The following LANCL3 variants were observed in gnomAD, a reference collection of about 807,000 sequenced individuals.
LANCL3 encodes LanC like family member 3, also known as lanC-like protein 3.
A neutral mutation model predicts 26.5 loss-of-function variants in LANCL3; 19 were observed. The observed-to-expected ratio is 0.72, with a 90% confidence interval of 0.50 to 1.05. The LOEUF is 1.05. Among genes scored for constraint, LANCL3 ranks in the 50% least tolerant of loss-of-function variants. LANCL3 has a pLI of 0.00. For synonymous variants in LANCL3, 160 were observed against 166.6 expected (o/e 0.96, Z 0.30); for missense variants, 318 against 362.7 (o/e 0.88, Z 1.00).
intron 1 of LANCL3, among the ~76,000 whole-genome samples, chrX:37,622,460 GA>G (rs1464130733): frequency 1.5e-4 from 16 of 107,723 alleles, no homozygotes; most frequent in African/African-American, 4.4e-4. Context: ...ATCCTACACT[GA>G]AAAAAAAATT....
intron 1 of LANCL3, among the ~76,000 whole-genome samples, chrX:37,631,087 C>G (rs1459048101): frequency 9.0e-6 from 1 of 111,558 alleles, no homozygotes; most frequent in African/African-American, 3.3e-5. Flanking sequence ...GTCCTGGACT[C>G]TTTTTCGTTG....
chrX:37,636,238 A>G (rs1925702693), intron 1 of LANCL3, among the ~76,000 whole-genome samples: 2 of 111,494 alleles, frequency 1.8e-5, no homozygotes, highest in South Asian at 7.5e-4. Context: ...GTTTGATTCC[A>G]TGTGTTTGCT....
rs5963720 is a variant in LANCL3, at chrX:37,572,383, C to T, written c.513C>T (p.Phe171=). The change falls in exon 1 of 5, where the codon TTC becomes TTT. Residue 171 remains phenylalanine, a synonymous_variant. Transcript: ENST00000378619. The part of the protein sequence containing the change: ...SFLECGSDEL[F]VGRAGYLCAA... The stretch of plus-strand genomic sequence containing the variant: ...TGGAGTGCGGCTCCGACGAGCTGTT[C>T]GTGGGCCGCGCGGGTTACCTGTGTG... 2.5e-3 allele frequency: 2,933 copies of T among 1,170,250 alleles called. 8 individuals carry two copies. The highest frequency in any genetic ancestry group is 2.7e-3 in the Non-Finnish European group (2,402 of 873,779).
chrX:37,629,907 G>A (rs782071894), intron 1 of LANCL3, among the ~76,000 whole-genome samples: 1,413 of 110,863 alleles, frequency 0.013, 24 homozygotes, highest in African/African-American at 0.043. Context: ...TGTTCTTTTG[G>A]CTTAGGATTG....
chrX:37,674,821 G>A (rs1203184704), intron 4 of LANCL3, among the ~76,000 whole-genome samples: 3 of 111,000 alleles, frequency 2.7e-5, no homozygotes, highest in Non-Finnish European at 3.8e-5. Context: ...CAGTATCAGC[G>A]CTTGGGCCTT....
intron 1 of LANCL3, among the ~76,000 whole-genome samples, chrX:37,645,136 T>C (rs1202515193): frequency 2.7e-5 from 3 of 112,625 alleles, no homozygotes; most frequent in African/African-American, 9.7e-5. Context: ...TGATAAATCT[T>C]TAAAGCCAGC....
In LANCL3 at chrX:37,626,106, A is replaced by G. The variant is rs139978590; in HGVS notation, c.574-29582A>G. 7.0e-3 allele frequency among the ~76,000 whole-genome samples: 789 copies of G among 112,402 alleles called. 8 individuals are homozygous for G. The highest frequency in any genetic ancestry group is 0.025 in the African/African-American group (761 of 30,986). On this transcript the variant is annotated intron_variant, in intron 1 of 4. Transcript: ENST00000378619. ...AAAGATGTGGATATATAATCCTATT[A>G]CAATAGAATGAAGACTGAACAATAT...
intron 1 of LANCL3, among the ~76,000 whole-genome samples, chrX:37,589,699 G>A (rs1924217001): frequency 8.9e-6 from 1 of 111,782 alleles, no homozygotes; most frequent in Admixed American, 9.4e-5. Flanking sequence ...GTGTGCTTTA[G>A]CGTAGGGTGC....
chrX:37,585,046 G>A (rs1461635991), intron 1 of LANCL3, among the ~76,000 whole-genome samples: 1 of 111,720 alleles, frequency 9.0e-6, no homozygotes, highest in African/African-American at 3.3e-5. Context: ...CCCTCATTTC[G>A]TTATGTACCC....
chrX:37,579,103 A>G (rs1456463798), intron 1 of LANCL3, among the ~76,000 whole-genome samples: 3 of 110,557 alleles, frequency 2.7e-5, no homozygotes, highest in African/African-American at 6.6e-5. Flanking sequence ...TATTATACAT[A>G]TATTACACAG....
At chrX:37,574,738 C>T (rs782021169) in intron 1 of LANCL3, among the ~76,000 whole-genome samples, 1 of 110,535 alleles carries the variant, frequency 9.0e-6, no homozygotes, top group South Asian at 3.9e-4. Context: ...CTCCTACACT[C>T]CTACTCTACT....
intron 1 of LANCL3, among the ~76,000 whole-genome samples, chrX:37,588,716 T>C (rs116660101): frequency 0.018 from 2,025 of 112,305 alleles, 66 homozygotes; most frequent in African/African-American, 0.063. Flanking sequence ...AAGAAATGAA[T>C]GACTTTGGCC....
At chrX:37,628,232 T>C (rs1273435204) in intron 1 of LANCL3, among the ~76,000 whole-genome samples, 1 of 111,387 alleles carries the variant, frequency 9.0e-6, no homozygotes, top group East Asian at 2.8e-4. Flanking sequence ...GGACAGGACA[T>C]CACTTTTGAG....
At chrX:37,590,058 T>C (rs1371101658) in intron 1 of LANCL3, among the ~76,000 whole-genome samples, 1 of 112,872 alleles carries the variant, frequency 8.9e-6, no homozygotes, top group Non-Finnish European at 1.9e-5. Context: ...TTGGCTTTCT[T>C]GTCTCTGATT....
intron 1 of LANCL3, among the ~76,000 whole-genome samples, chrX:37,640,102 C>T (rs1478670407): frequency 8.9e-6 from 1 of 111,830 alleles, no homozygotes; most frequent in African/African-American, 3.3e-5. Context: ...ACACATTTGG[C>T]GAAATAAAAC....
intron 1 of LANCL3, among the ~76,000 whole-genome samples, chrX:37,604,564 C>G (rs1204378037): frequency 8.9e-6 from 1 of 112,008 alleles, no homozygotes; most frequent in African/African-American, 3.2e-5. Context: ...TGGGTTTGCA[C>G]ATGTGTCTGC....
chrX:37,682,769 T>C lies in LANCL3; in HGVS notation c.*6956T>C, dbSNP rs1447660366. On this transcript the variant is annotated 3_prime_UTR_variant, in exon 5 of 5. Coordinates refer to ENST00000378619, the MANE Select transcript of LANCL3 (RefSeq NM_001170331.2). ...CTGTAGCAGCAGTAGAATCCCTATG[T>C]TCTTGAAAATGCAAAATGTAACATG... The C allele has an allele frequency of 2.7e-5, 3 of 112,245 alleles. No homozygotes were observed. The highest frequency in any genetic ancestry group is 3.8e-5 in the Non-Finnish European group (2 of 53,259). 9.3% of individuals were successfully genotyped at this position (112,245 alleles called of 1,213,427 possible). A position where few individuals can be genotyped will look rare whatever the true frequency, so the allele number is the denominator to read the frequency against.
intron 1 of LANCL3, among the ~76,000 whole-genome samples, chrX:37,617,228 A>G (rs1925034937): frequency 2.7e-5 from 3 of 111,077 alleles, no homozygotes; most frequent in South Asian, 7.8e-4. Flanking sequence ...AAATGCTGTC[A>G]GTTTGAAGTG....
Position 37,572,212 on chromosome X carries a change from C to T in LANCL3, c.342C>T (p.Ala114=), listed in dbSNP as rs181309411. The T allele has an allele frequency of 1.7e-4, 197 of 1,157,206 alleles. No individual in the cohort carries two copies. The highest frequency in any genetic ancestry group is 2.2e-4 in the Admixed American group (9 of 41,463). ...CTGAGGAGTGGGGCGAACCGGACGC[C>T]GACACCCGCGCCGCCTTCCTGCTCG... ...ARAEEWGEPD[A]DTRAAFLLGG... is the part of the protein sequence containing the mutation. The change falls in exon 1 of 5, where the codon GCC becomes GCT. Residue 114 remains alanine (A), a synonymous_variant. Transcript: ENST00000378619.
Sources: gnomAD v4.1 joint callset for allele counts (sites outside exome capture counted in the v4.1 genomes callset) on GRCh38, gnomAD v4.1.1 for gene constraint, MANE v1.5 for transcripts, NCBI Gene and HGNC (gene_info 2026-07-23, HGNC 2026-07-21) for gene names.